The following AMZ1 variants were observed in gnomAD, a reference collection of about 807,000 sequenced individuals.
AMZ1 encodes the protein archaelysin family metallopeptidase 1, also known as archaemetzincin-1.
AMZ1 carries 39 observed loss-of-function variants against 29.9 expected under a neutral mutation model. That is an observed-to-expected ratio of 1.30 (90% CI 1.01 to 1.70). AMZ1 has a LOEUF of 1.70. Ranked by LOEUF, AMZ1 falls within the 40% of genes most tolerant of loss-of-function variation. The pLI, the probability that AMZ1 is intolerant of heterozygous loss-of-function variation, is 0.00. For synonymous variants in AMZ1, 458 were observed against 304.0 expected (o/e 1.51, Z -5.27); for missense variants, 1,041 against 680.6 (o/e 1.53, Z -5.89).
downstream of AMZ1, among the ~76,000 whole-genome samples, chr7:2,720,858 G>C (rs540356496): frequency 6.6e-6 from 1 of 151,828 alleles, no homozygotes; most frequent in Non-Finnish European, 1.5e-5. Flanking sequence ...ACTTGTTTTT[G>C]GTAGAGACAG....
rs35496397 is a variant in AMZ1 at position 2,713,967 on chromosome 7, T to C, written c.*1089T>C. 17,828 of 152,240 alleles carry C rather than the reference T, an allele frequency of 0.12. 1,122 individuals are homozygous for C. Among genetic ancestry groups the C allele is most frequent in the South Asian group, 0.16 (785 of 4,818 alleles). 9.4% of individuals were successfully genotyped at this position (152,240 alleles called of 1,614,324 possible). On this transcript the variant is annotated 3_prime_UTR_variant, in exon 7 of 7. Coordinates refer to ENST00000683327, the MANE Select transcript of AMZ1 (RefSeq NM_001384743.1). The stretch of plus-strand genomic sequence containing the variant: ...TGCTGAGAGAGGGGTATTATTGCCA[T>C]GGCTGGGCGTTTGATCTGTCTCCCT...
intron 4 of AMZ1, among the ~76,000 whole-genome samples, chr7:2,738,415 G>A (rs1037720081): frequency 1.4e-4 from 22 of 152,314 alleles, no homozygotes; most frequent in African/African-American, 5.3e-4. Flanking sequence ...GCAGTCAGGG[G>A]CTACGCACCG....
rs1386786330 is a variant in AMZ1 at position 2,717,273 on chromosome 7, G to GTGAAGACGGAGAGAATC, written c.*4396_*4412dup. Among the ~76,000 whole-genome samples the GTGAAGACGGAGAGAATC allele has an allele frequency of 6.6e-6, 1 of 152,250 alleles. No homozygotes were observed. The highest frequency in any genetic ancestry group is 1.5e-5 in the Non-Finnish European group (1 of 68,048). On this transcript the variant is annotated 3_prime_UTR_variant, in exon 7 of 7. Coordinates refer to ENST00000683327, the MANE Select transcript of AMZ1 (RefSeq NM_001384743.1). ...CCTGCACAGGAATATTTTTATCCCC[G>GTGAAGACGGAGAGAATC]TGAAGACGGAGAGAATCAGGGCTTC...
upstream of AMZ1, chr7:2,763,195 CA>C: frequency 8.7e-6 from 1 of 114,684 alleles, no homozygotes; most frequent in Non-Finnish European, 1.7e-5. Flanking sequence ...CACCCCAACA[CA>C]CACACACACA....
At chr7:2,722,593 C>T (rs971162792), downstream of AMZ1, among the ~76,000 whole-genome samples, 11 of 152,114 alleles carry the variant, frequency 7.2e-5, no homozygotes, top group African/African-American at 2.7e-4. Flanking sequence ...ATGTTTTAAA[C>T]CAATTTGCCT....
At chr7:2,745,714 C>G (rs1304236149) in intron 4 of AMZ1, among the ~76,000 whole-genome samples, 1 of 152,302 alleles carries the variant, frequency 6.6e-6, no homozygotes, top group African/African-American at 2.4e-5. Context: ...AATTAAAAGA[C>G]ACAGACTGGC....
At chr7:2,708,909 C>T (rs551644878) in intron 4 of AMZ1, among the ~76,000 whole-genome samples, 166 bp from the exon 5 acceptor site, 6 of 152,340 alleles carry the variant, frequency 3.9e-5, no homozygotes, top group Admixed American at 2.0e-4. Flanking sequence ...TCAGCTGTGG[C>T]GTCTGCCCCA....
intron 3 of AMZ1, among the ~76,000 whole-genome samples, chr7:2,704,370 C>T (rs1202665521): frequency 6.6e-6 from 1 of 152,042 alleles, no homozygotes; most frequent in Non-Finnish European, 1.5e-5. Flanking sequence ...GCAGTGGTGG[C>T]ACACATCTAT....
intron 4 of AMZ1, among the ~76,000 whole-genome samples, chr7:2,756,072 CAG>C (rs888876692): frequency 2.6e-5 from 4 of 152,158 alleles, no homozygotes; most frequent in Non-Finnish European, 4.4e-5. Flanking sequence ...TAGAAAGTGA[CAG>C]AGTTTATCAT....
At chr7:2,699,342 C>T (rs1249959625) in intron 1 of AMZ1, among the ~76,000 whole-genome samples, 1 of 152,156 alleles carries the variant, frequency 6.6e-6, no homozygotes, top group African/African-American at 2.4e-5. Context: ...CTGCCAGCTC[C>T]ACACCCCCCA....
chr7:2,737,075 C>G (rs1790219455), intron 4 of AMZ1, among the ~76,000 whole-genome samples: 1 of 152,098 alleles, frequency 6.6e-6, no homozygotes, highest in Admixed American at 6.5e-5. Context: ...AAAGACAGCC[C>G]ATGTGTGGGT....
At chr7:2,700,832 A>G in intron 2 of AMZ1, 77 bp downstream of exon 2, 2 of 1,533,810 alleles carry the variant, frequency 1.3e-6, no homozygotes, top group Non-Finnish European at 8.8e-7. Flanking sequence ...ATGTCTGTGC[A>G]TAGCCCCCAG....
upstream of AMZ1, among the ~76,000 whole-genome samples, chr7:2,685,296 G>T (rs911479395): frequency 1.4e-5 from 2 of 146,188 alleles, no homozygotes; most frequent in East Asian, 3.9e-4. Flanking sequence ...GGTGGCTCAC[G>T]CCTGTAATCC....
At chr7:2,744,570 A>G (rs568359837) in intron 4 of AMZ1, among the ~76,000 whole-genome samples, 15 of 152,356 alleles carry the variant, frequency 9.8e-5, no homozygotes, top group Admixed American at 3.3e-4. Context: ...AGATGGGGAA[A>G]AAACAGAGCA....
At chr7:2,691,986 G>A (rs1267727586) in intron 1 of AMZ1, among the ~76,000 whole-genome samples, 1 of 152,210 alleles carries the variant, frequency 6.6e-6, no homozygotes, top group Non-Finnish European at 1.5e-5. Flanking sequence ...GGAATGATTT[G>A]GAGGTAACTG....
chr7:2,726,981 G>C (rs1306718054), intron 4 of AMZ1, among the ~76,000 whole-genome samples: 1 of 152,240 alleles, frequency 6.6e-6, no homozygotes, highest in African/African-American at 2.4e-5. Flanking sequence ...CTTGGAGAGC[G>C]AGGCCTCTCA....
rs1562381692 is a variant in AMZ1 at position 2,718,733 on chromosome 7, G to T, written c.*5855G>T. Reference sequence around the variant, plus strand: ...AACAGGACAGGGCTTGTGCAGCCGGGCTTGGTCTTGTGGTCAGGGAGAAGC... The same window carrying T: ...AACAGGACAGGGCTTGTGCAGCCGGTCTTGGTCTTGTGGTCAGGGAGAAGC... On this transcript the variant is annotated 3_prime_UTR_variant, in exon 7 of 7. Coordinates refer to ENST00000683327, the MANE Select transcript of AMZ1 (RefSeq NM_001384743.1). 6.6e-6 allele frequency among the ~76,000 whole-genome samples: 1 copy of T among 152,224 alleles called. No individual in the cohort carries two copies. The highest frequency in any genetic ancestry group is 1.5e-5 in the Non-Finnish European group (1 of 68,044).
At chr7:2,737,279 T>G (rs555762473) in intron 4 of AMZ1, among the ~76,000 whole-genome samples, 232 of 73,018 alleles carry the variant, frequency 3.2e-3, no homozygotes, top group African/African-American at 9.8e-3. Context: ...GTTTTGTTTT[T>G]TTTTTTTTTG....
chr7:2,752,886 A>G (rs1056596351), intron 4 of AMZ1, among the ~76,000 whole-genome samples: 5 of 152,136 alleles, frequency 3.3e-5, no homozygotes, highest in African/African-American at 1.2e-4. Flanking sequence ...CGTTAGTACA[A>G]TGTGTGTGTG....
Sources: gnomAD v4.1 joint callset for allele counts (sites outside exome capture counted in the v4.1 genomes callset) on GRCh38, gnomAD v4.1.1 for gene constraint, MANE v1.5 for transcripts, NCBI Gene and HGNC (gene_info 2026-07-23, HGNC 2026-07-21) for gene names.